Variants in SUGCT observed in about 807,000 individuals in gnomAD.
SUGCT encodes succinyl-CoA:glutarate CoA-transferase.
A neutral mutation model predicts 55.0 loss-of-function variants in SUGCT; 41 were observed. The ratio of observed to expected loss-of-function variants is 0.74; its 90% CI spans 0.58 to 0.97. SUGCT has a LOEUF of 0.97. Ranked by LOEUF, SUGCT falls within the 50% of genes least tolerant of loss-of-function variation. The pLI, the probability that SUGCT is intolerant of heterozygous loss-of-function variation, is 0.00. For synonymous variants in SUGCT, 187 were observed against 200.4 expected, an observed-to-expected ratio of 0.93 and a Z score of 0.56; for missense variants, 568 against 547.8, an observed-to-expected ratio of 1.04 and a Z score of -0.37.
chr7:40,169,102 G>A (rs529744018), intron 1 of SUGCT, among the ~76,000 whole-genome samples: 3 of 152,236 alleles, frequency 2.0e-5, no homozygotes, highest in Non-Finnish European at 1.5e-5. Context: ...GGGCATGGAG[G>A]ACTAGGTAAG....
intron 7 of SUGCT, among the ~76,000 whole-genome samples, chr7:40,242,931 ATATTTTTT>A (rs1211014962): frequency 9.5e-5 from 2 of 21,072 alleles, no homozygotes; most frequent in African/African-American, 1.5e-4. Context: ...ATATATATAT[ATATTTTTT>A]TTTTTTTTTT....
chr7:40,625,470 C>G (rs1174130283), intron 12 of SUGCT, among the ~76,000 whole-genome samples: 1 of 152,096 alleles, frequency 6.6e-6, no homozygotes, highest in Non-Finnish European at 1.5e-5. Context: ...CCCTCACTCC[C>G]TCACCTCCTC....
chr7:40,270,317 C>A (rs1284845727), intron 7 of SUGCT, among the ~76,000 whole-genome samples: 1 of 151,882 alleles, frequency 6.6e-6, no homozygotes, highest in African/African-American at 2.4e-5. Context: ...CTTTTGATGT[C>A]ATATCAAAGA....
At chr7:41,005,221 T>A in the SUGCT span, among the ~76,000 whole-genome samples, 138 of 152,268 alleles carry the variant, frequency 9.1e-4, no homozygotes, top group Middle Eastern at 3.4e-3. Flanking sequence ...GGAGATTTAG[T>A]ACCCTTTAGA....
intron 9 of SUGCT, among the ~76,000 whole-genome samples, chr7:40,373,778 A>G (rs1784415510): frequency 6.6e-6 from 1 of 152,142 alleles, no homozygotes; most frequent in African/African-American, 2.4e-5. Flanking sequence ...AGTTTTGACA[A>G]GATAACTGTT....
chr7:40,532,898 T>C (rs749788347), intron 12 of SUGCT, among the ~76,000 whole-genome samples: 1 of 152,204 alleles, frequency 6.6e-6, no homozygotes, highest in Non-Finnish European at 1.5e-5. Flanking sequence ...ATCATCAGTC[T>C]CTCAGCTCAC....
chr7:40,893,110 C>A, the SUGCT span, among the ~76,000 whole-genome samples: 2 of 152,052 alleles, frequency 1.3e-5, no homozygotes. Flanking sequence ...ATAAAAAGGT[C>A]AATTCATCAA....
At chr7:40,155,235 A>G (rs916563495) in intron 1 of SUGCT, among the ~76,000 whole-genome samples, 10 of 151,996 alleles carry the variant, frequency 6.6e-5, no homozygotes, top group Non-Finnish European at 1.5e-4. Flanking sequence ...CAGTGAGCCA[A>G]GATTGCGCCA....
intron 9 of SUGCT, among the ~76,000 whole-genome samples, chr7:40,366,111 A>G (rs1315052375): frequency 1.3e-5 from 2 of 152,162 alleles, no homozygotes; most frequent in African/African-American, 2.4e-5. Context: ...ATAACGCCAC[A>G]TATCTACAAC....
At chr7:40,171,103 G>T (rs1423411975) in intron 1 of SUGCT, among the ~76,000 whole-genome samples, 1 of 152,180 alleles carries the variant, frequency 6.6e-6, no homozygotes, top group Non-Finnish European at 1.5e-5. Flanking sequence ...TTGCCCACTA[G>T]GGCCTTTGTC....
the SUGCT span, among the ~76,000 whole-genome samples, chr7:40,886,607 G>A: frequency 1.3e-5 from 2 of 152,116 alleles, no homozygotes; most frequent in East Asian, 3.9e-4. Context: ...AAATAAGCTG[G>A]GCCAAAATAT....
chr7:40,391,958 A>G (rs1163753407), intron 9 of SUGCT, among the ~76,000 whole-genome samples: 1 of 152,238 alleles, frequency 6.6e-6, no homozygotes, highest in Non-Finnish European at 1.5e-5. Context: ...GCAGGCATAA[A>G]AAAGGATGAG....
At chr7:40,893,813 C>A in the SUGCT span, among the ~76,000 whole-genome samples, 2 of 152,156 alleles carry the variant, frequency 1.3e-5, no homozygotes, top group African/African-American at 4.8e-5. Flanking sequence ...GTAATCCCAG[C>A]ACTTTGGGAG....
In SUGCT at chr7:40,609,427, C is replaced by T. The variant is rs543052572; in HGVS notation, c.1089+113041C>T. On this transcript the variant is annotated intron_variant, in intron 12 of 13. Coordinates refer to ENST00000335693, the MANE Select transcript of SUGCT (RefSeq NM_001193313.2). ...TAAAAATACAAAAAAATTAGCCGGG[C>T]GTGGTGGCGGGCACCTGACGTCCCA... Among the ~76,000 whole-genome samples the T allele has an allele frequency of 5.5e-4, 83 of 151,662 alleles. 1 individual carries two copies. Among genetic ancestry groups the T allele is most frequent in the Middle Eastern group, 6.8e-3 (2 of 294 alleles).
At chr7:40,473,851 A>G (rs1790522441) in intron 11 of SUGCT, among the ~76,000 whole-genome samples, 1 of 152,182 alleles carries the variant, frequency 6.6e-6, no homozygotes, top group African/African-American at 2.4e-5. Flanking sequence ...CAGGTAAGTA[A>G]GAGTCCTTGG....
intron 12 of SUGCT, among the ~76,000 whole-genome samples, chr7:40,714,604 A>G (rs1366819175): frequency 1.3e-5 from 2 of 152,170 alleles, no homozygotes. Context: ...TTTCTTTTTT[A>G]AGATCTTCTC....
chr7:40,729,211 T>G lies in SUGCT; in HGVS notation c.1090-20223T>G, dbSNP rs946917746. Among the ~76,000 whole-genome samples the G allele has an allele frequency of 5.3e-5, 8 of 152,226 alleles. No homozygotes were observed. The South Asian group carries it at 1.2e-3, about 24-fold the overall frequency. On this transcript the variant is annotated intron_variant, in intron 12 of 13. Coordinates refer to ENST00000335693, the MANE Select transcript of SUGCT (RefSeq NM_001193313.2). ...TGCTGCGTGCCAAGTAGTGGATAAG[T>G]ACTCCAACATTTTTGTTTGTTTGTT...
At chr7:40,738,244 A>ATCT (rs1333770700) in intron 12 of SUGCT, among the ~76,000 whole-genome samples, 3 of 151,510 alleles carry the variant, frequency 2.0e-5, no homozygotes, top group Non-Finnish European at 4.4e-5. Context: ...TAGAGTATAT[A>ATCT]TCTTCAAACT....
intron 13 of SUGCT, among the ~76,000 whole-genome samples, chr7:40,845,008 G>T (rs1793485412): frequency 6.6e-6 from 1 of 152,018 alleles, no homozygotes; most frequent in Non-Finnish European, 1.5e-5. Context: ...ATTTCTAGTG[G>T]CCTTGTTTTC....
Sources: allele counts gnomAD v4.1 joint callset (sites outside exome capture counted in the v4.1 genomes callset), GRCh38; gene constraint gnomAD v4.1.1; transcripts MANE v1.5; gene names NCBI Gene and HGNC (gene_info 2026-07-23, HGNC 2026-07-21).